The following PPM1H variants were observed in gnomAD, a reference collection of about 807,000 sequenced individuals.
The protein encoded by PPM1H is protein phosphatase, Mg2+/Mn2+ dependent 1H.
Under a neutral mutation model 54.9 loss-of-function variants are expected in PPM1H, and 27 were observed. The ratio of observed to expected loss-of-function variants is 0.49; its 90% CI spans 0.36 to 0.68. PPM1H has a LOEUF of 0.68. PPM1H is among the 30% of genes least tolerant of loss of function. PPM1H has a pLI of 0.00. For synonymous variants in PPM1H, 305 were observed against 270.8 expected (o/e 1.13, Z -1.24); for missense variants, 596 against 667.8 (o/e 0.89, Z 1.19).
intron 1 of PPM1H, among the ~76,000 whole-genome samples, chr12:62,910,997 T>G (rs1871441828): frequency 6.6e-6 from 1 of 152,134 alleles, no homozygotes; most frequent in Non-Finnish European, 1.5e-5. Flanking sequence ...CTCCGCAAAC[T>G]GGGAACAAAA....
intron 4 of PPM1H, among the ~76,000 whole-genome samples, chr12:62,759,410 T>C (rs2076493675): frequency 6.6e-6 from 1 of 152,218 alleles, no homozygotes; most frequent in Non-Finnish European, 1.5e-5. Flanking sequence ...AACCTCTTTC[T>C]CCTTTCAATC....
intron 6 of PPM1H, among the ~76,000 whole-genome samples, chr12:62,718,895 G>A (rs1004109297): frequency 6.6e-6 from 1 of 152,234 alleles, no homozygotes; most frequent in Non-Finnish European, 1.5e-5. Flanking sequence ...ATATTTTAGA[G>A]CAGGGGTAAA....
intron 4 of PPM1H, among the ~76,000 whole-genome samples, chr12:62,776,334 C>T (rs1421981092): frequency 2.0e-5 from 3 of 152,230 alleles, no homozygotes; most frequent in Non-Finnish European, 4.4e-5. Context: ...GCAACCCACC[C>T]CTGACTACTA....
chr12:62,879,688 C>T (rs886506834), intron 1 of PPM1H, among the ~76,000 whole-genome samples: 1 of 151,836 alleles, frequency 6.6e-6, no homozygotes, highest in Non-Finnish European at 1.5e-5. Context: ...GTGCAGCAAA[C>T]CGACATGGCA....
rs1403763294 is a variant in PPM1H at position 62,934,263 on chromosome 12, C to T, written c.245+229G>A. ...CCACGCTCCAGCGCTGCCACCCACC[C>T]CTCCACCACCCATACCGGGGCTGGA... On this transcript the variant is annotated intron_variant, in intron 1 of 9. Transcript: ENST00000228705. This position sits in a 1 kb window ranked among gnomAD's most constrained non-coding sequence, Gnocchi z 4.2. Among the ~76,000 whole-genome samples, 4 of 152,228 alleles carry T rather than the reference C, an allele frequency of 2.6e-5. No homozygotes were observed. The highest frequency in any genetic ancestry group is 3.2e-3 in the Middle Eastern group (1 of 316).
chr12:62,801,750 A>C (rs992849589), intron 3 of PPM1H, 66 bp downstream of exon 3: 1 of 1,548,526 alleles, frequency 6.5e-7, no homozygotes, highest in African/African-American at 1.4e-5. Context: ...CCCTCCAGGA[A>C]GGACGGACAG....
intron 1 of PPM1H, among the ~76,000 whole-genome samples, chr12:62,861,939 A>G (rs1048283149): frequency 6.6e-6 from 1 of 152,256 alleles, no homozygotes; most frequent in Admixed American, 6.5e-5. Flanking sequence ...TGAAAATACA[A>G]TGTGGGCCAA....
intron 1 of PPM1H, among the ~76,000 whole-genome samples, chr12:62,882,877 G>A (rs1170107258): frequency 2.6e-5 from 4 of 152,042 alleles, no homozygotes; most frequent in East Asian, 1.9e-4. Context: ...GCCTTTGCAC[G>A]TGCAGCTGCT....
At chr12:62,910,287 T>C (rs959765586) in intron 1 of PPM1H, among the ~76,000 whole-genome samples, 3 of 152,170 alleles carry the variant, frequency 2.0e-5, no homozygotes, top group Non-Finnish European at 2.9e-5. Context: ...AGTGAATACA[T>C]TGGGATGCTT....
chr12:62,793,002 A>T (rs1294101353), intron 3 of PPM1H, among the ~76,000 whole-genome samples: 2 of 152,166 alleles, frequency 1.3e-5, no homozygotes, highest in African/African-American at 4.8e-5. Context: ...TTTCTTAAAA[A>T]CCTCAAGTTT....
rs537717965 is a variant in PPM1H, at chr12:62,933,611, G to A, written c.245+881C>T. On this transcript the variant is annotated intron_variant, in intron 1 of 9. Transcript: ENST00000228705. ...TCTCCTAGTTTTCCCGTTTCGTACA[G>A]CTGAGGTAGTAGATAGAAGGGAAAA... Among the ~76,000 whole-genome samples, 19 of 152,292 alleles carry A rather than the reference G, an allele frequency of 1.2e-4. No homozygotes were observed. The South Asian group carries it at 3.9e-3, about 32-fold the overall frequency.
chr12:62,903,302 G>C (rs1871213009), intron 1 of PPM1H, among the ~76,000 whole-genome samples: 1 of 152,136 alleles, frequency 6.6e-6, no homozygotes, highest in African/African-American at 2.4e-5. Context: ...GTGGAAGCGT[G>C]TCAGTGGCAA....
chr12:62,737,663 G>T, intron 4 of PPM1H, 77 bp from the exon 5 acceptor site: 3 of 1,018,318 alleles, frequency 2.9e-6, no homozygotes, highest in Non-Finnish European at 2.8e-6. Flanking sequence ...GCTTGGTTCA[G>T]GTCACACATG....
chr12:62,902,873 T>C lies in PPM1H; in HGVS notation c.245+31619A>G, dbSNP rs560442320. Among the ~76,000 whole-genome samples, 166 of 152,298 alleles carry C rather than the reference T, an allele frequency of 1.1e-3. 1 individual carries two copies. The highest frequency in any genetic ancestry group is 3.4e-3 in the Middle Eastern group (1 of 294). On this transcript the variant is annotated intron_variant, in intron 1 of 9. Coordinates refer to ENST00000228705, the MANE Select transcript of PPM1H (RefSeq NM_020700.2). Reference sequence around the variant, plus strand: ...TCTAGATGGAGGGCCCACTTGTGATTTGAAACATCCAGCCACAGTTTAGGC... The same window carrying C: ...TCTAGATGGAGGGCCCACTTGTGATCTGAAACATCCAGCCACAGTTTAGGC...
At chr12:62,821,227 A>AT (rs2076901642) in intron 2 of PPM1H, among the ~76,000 whole-genome samples, 1 of 152,170 alleles carries the variant, frequency 6.6e-6, no homozygotes, top group East Asian at 1.9e-4. Flanking sequence ...AGAGAAAAAA[A>AT]AGTAAAAAGA....
rs138372672 is a variant in PPM1H at position 62,839,459 on chromosome 12, C to T, written c.246-7180G>A. On this transcript the variant is annotated intron_variant, in intron 1 of 9. Transcript: ENST00000228705. ...CAATTTCTTTTGAAAATTAATACATCCAGCTACACACATCACACTCTTGAA... is the reference window on the plus strand; with the variant it reads ...CAATTTCTTTTGAAAATTAATACATTCAGCTACACACATCACACTCTTGAA... Among the ~76,000 whole-genome samples the T allele has an allele frequency of 3.9e-3, 599 of 152,152 alleles. 1 individual carries two copies. The highest frequency in any genetic ancestry group is 0.014 in the African/African-American group (563 of 41,514).
At chr12:62,869,419 T>C (rs1402693337) in intron 1 of PPM1H, among the ~76,000 whole-genome samples, 2 of 152,202 alleles carry the variant, frequency 1.3e-5, no homozygotes, top group African/African-American at 4.8e-5. Context: ...TACCATTTTA[T>C]AGATGTGCAA....
chr12:62,804,558 T>C (rs1156606562), intron 2 of PPM1H, among the ~76,000 whole-genome samples: 2 of 152,104 alleles, frequency 1.3e-5, no homozygotes, highest in Non-Finnish European at 2.9e-5. Flanking sequence ...TATCCTTCTC[T>C]CTTTTCTCCT....
chr12:62,775,235 G>A (rs2076603259), intron 4 of PPM1H, among the ~76,000 whole-genome samples: 1 of 152,190 alleles, frequency 6.6e-6, no homozygotes, highest in Admixed American at 6.5e-5. Flanking sequence ...AGTCCCCCAG[G>A]TGATTCTGAT....
Sources: allele counts gnomAD v4.1 joint callset (sites outside exome capture counted in the v4.1 genomes callset), GRCh38; gene constraint gnomAD v4.1.1; non-coding constraint Gnocchi (gnomAD v3.1); transcripts MANE v1.5; gene names NCBI Gene and HGNC (gene_info 2026-07-23, HGNC 2026-07-21).